The following SCAI variants were observed in gnomAD, a reference collection of about 807,000 sequenced individuals.
SCAI encodes the protein protein SCAI.
Under a neutral mutation model 92.2 loss-of-function variants are expected in SCAI, and 24 were observed. The observed-to-expected ratio is 0.26, with a 90% CI of 0.19 to 0.37. The LOEUF (loss-of-function observed/expected upper bound fraction) is 0.37. SCAI is among the 10% of genes least tolerant of loss of function. The pLI is 1.00. For synonymous variants in SCAI, 261 were observed against 258.6 expected, an observed-to-expected ratio of 1.01 and a Z score of -0.09; for missense variants, 450 against 736.2, an observed-to-expected ratio of 0.61 and a Z score of 4.50.
At chr9:125,115,169 G>A (rs1384807177) in intron 2 of SCAI, among the ~76,000 whole-genome samples, 42 of 151,792 alleles carry the variant, frequency 2.8e-4, no homozygotes, top group Non-Finnish European at 5.7e-4. Context: ...TCAGGAGATT[G>A]AGACCATCCT....
chr9:125,030,452 C>T (rs1427053951), intron 3 of SCAI, among the ~76,000 whole-genome samples: 4 of 152,194 alleles, frequency 2.6e-5, no homozygotes, highest in Non-Finnish European at 5.9e-5. Flanking sequence ...CCCAAAACCA[C>T]AGACAACTTG....
chr9:125,022,751 G>GTT (rs1832897109), intron 6 of SCAI, among the ~76,000 whole-genome samples: 1 of 152,026 alleles, frequency 6.6e-6, no homozygotes, highest in Admixed American at 6.6e-5. Flanking sequence ...ATATTATTGG[G>GTT]TTTTTCTAAG....
Position 125,015,381 on chromosome 9 carries a change from C to A in SCAI, c.861+3418G>T, listed in dbSNP as rs1187682187. 3.3e-5 allele frequency among the ~76,000 whole-genome samples: 5 copies of A among 152,226 alleles called. No individual in the cohort carries two copies. In the East Asian group the frequency reaches 9.6e-4, roughly 29 times the overall value. ...TCAAAAAGCGGGTGAAGGACATGAA[C>A]AGACACTTCTCAAAAGAAGACATTT... On this transcript the variant is annotated intron_variant, in intron 9 of 17. Transcript: ENST00000336505.
intron 3 of SCAI, among the ~76,000 whole-genome samples, chr9:125,042,593 A>AATGC (rs1288801552): frequency 1.5e-5 from 2 of 137,646 alleles, no homozygotes; most frequent in Non-Finnish European, 3.1e-5. Context: ...CCAGTCCCTA[A>AATGC]ATGCATGGCT....
intron 3 of SCAI, among the ~76,000 whole-genome samples, chr9:125,047,056 T>A (rs1833458033): frequency 6.6e-6 from 1 of 152,132 alleles, no homozygotes; most frequent in Admixed American, 6.5e-5. Flanking sequence ...AACATTTCAA[T>A]AAAACCAAGG....
At chr9:125,063,102 AC>A (rs112388687) in intron 2 of SCAI, among the ~76,000 whole-genome samples, 2 of 137,960 alleles carry the variant, frequency 1.4e-5, no homozygotes, top group African/African-American at 2.8e-5. Flanking sequence ...ATAACCCCCC[AC>A]CCCCCCCAGA....
At position 125,123,753 on chromosome 9, in the gene SCAI, C is replaced by T. The variant is rs188332126; in HGVS notation, c.98+18880G>A. On this transcript the variant is annotated intron_variant, in intron 2 of 17. Transcript: ENST00000336505. ...TCACGCCACTGCACTCCAGCCTGGG[C>T]GAGAGTGAGACTCCGTCTCAAAGAA... Among the ~76,000 whole-genome samples, 221 of 151,958 alleles carry T rather than the reference C, an allele frequency of 1.5e-3. 1 individual carries two copies. The highest frequency in any genetic ancestry group is 5.2e-3 in the African/African-American group (216 of 41,438).
intron 13 of SCAI, 109 bp downstream of exon 13, chr9:124,999,782 A>C: frequency 1.6e-6 from 1 of 630,130 alleles, no homozygotes. Context: ...ATCTTAGTCT[A>C]AGGGAATCAT....
intron 2 of SCAI, among the ~76,000 whole-genome samples, chr9:125,066,675 G>A (rs1319795889): frequency 2.6e-5 from 4 of 151,928 alleles, no homozygotes; most frequent in South Asian, 2.1e-4. Flanking sequence ...GGATGGTCTC[G>A]ATCTCCTGAC....
intron 17 of SCAI, chr9:124,968,213 C>A: frequency 1.2e-6 from 1 of 861,112 alleles, no homozygotes. Context: ...AAACGAAAAA[C>A]AAAAAAACAG....
intron 2 of SCAI, among the ~76,000 whole-genome samples, chr9:125,132,157 A>C (rs1040427668): frequency 6.1e-5 from 9 of 147,444 alleles, no homozygotes; most frequent in Non-Finnish European, 8.9e-5. Flanking sequence ...TCTGTCACCC[A>C]GGTTAGGGTG....
At chr9:124,961,635 GCAAGA>G (rs1831437093) in intron 17 of SCAI, among the ~76,000 whole-genome samples, 1 of 134,958 alleles carries the variant, frequency 7.4e-6, no homozygotes, top group African/African-American at 2.8e-5. Flanking sequence ...AGGCAACAGA[GCAAGA>G]CTCCATCTCA....
At chr9:125,041,888 T>C (rs933363826) in intron 3 of SCAI, among the ~76,000 whole-genome samples, 1 of 152,170 alleles carries the variant, frequency 6.6e-6, no homozygotes, top group Admixed American at 6.5e-5. Flanking sequence ...CCTATGATCA[T>C]CCTTTTTCTA....
In SCAI at chr9:125,091,559, G is replaced by T. The variant is rs1312955068; in HGVS notation, c.99-35552C>A. On this transcript the variant is annotated intron_variant, in intron 2 of 17. Transcript: ENST00000336505. This position sits in a 1 kb window ranked among gnomAD's most constrained non-coding sequence, Gnocchi z 4.3. ...AATATTTAGTTTTATTTATCACTCA[G>T]TTAAATCCAACATTCTACCTACTCC... Among the ~76,000 whole-genome samples the T allele has an allele frequency of 6.6e-6, 1 of 152,144 alleles. No individual in the cohort carries two copies. Among genetic ancestry groups the T allele is most frequent in the Non-Finnish European group, 1.5e-5 (1 of 68,028 alleles).
intron 17 of SCAI, among the ~76,000 whole-genome samples, chr9:124,967,333 A>C (rs559182334): frequency 2.1e-4 from 32 of 152,332 alleles, no homozygotes; most frequent in Non-Finnish European, 1.8e-4. Context: ...TGAATGCTGG[A>C]AATCAACCAT....
chr9:124,983,238 C>T (rs1564366029), intron 14 of SCAI, among the ~76,000 whole-genome samples: 1 of 151,390 alleles, frequency 6.6e-6, no homozygotes, highest in Non-Finnish European at 1.5e-5. Flanking sequence ...TCTTCTTCAA[C>T]AAATAACTCA....
At position 125,143,405 on chromosome 9, in the gene SCAI, C is replaced by T. The variant is rs1835718875; in HGVS notation, c.33G>A (p.Pro11=). Residue 11 remains proline (P), a synonymous_variant, in exon 1 of 18, where the codon CCG becomes CCA. Transcript: ENST00000336505. ...CGCACCTGGGGGCCAGGCGACTCCG[C>T]GGCTGCTGGGGCTGCCGGGCTCCTC... The part of the protein sequence containing the change: MVRGARQPQQ[P]RSRLAPRLTG... 8 of 1,395,888 alleles carry T rather than the reference C, an allele frequency of 5.7e-6. No individual in the cohort carries two copies. Among genetic ancestry groups the T allele is most frequent in the South Asian group, 1.5e-5 (1 of 65,166 alleles). 86.5% of individuals were successfully genotyped at this position (1,395,888 alleles called of 1,614,324 possible). A position where few individuals can be genotyped will look rare whatever the true frequency, so the allele number is the denominator to read the frequency against.
rs1403436808 is a variant in SCAI at position 125,004,673 on chromosome 9, C to T, written c.862-1103G>A. On this transcript the variant is annotated intron_variant, in intron 9 of 17. Transcript: ENST00000336505. Reference sequence around the variant, plus strand: ...CACAGAAGTTTGATAGTAATCCTTGCTACATGAGAAAAAAGAGCTAACTTT... The same window carrying T: ...CACAGAAGTTTGATAGTAATCCTTGTTACATGAGAAAAAAGAGCTAACTTT... 4.5e-5 allele frequency among the ~76,000 whole-genome samples: 6 copies of T among 133,336 alleles called. No homozygotes were observed. The Admixed American group carries it at 4.8e-4, about 11-fold the overall frequency. The allele number at this position is 133,336 out of a possible 152,430, so 87.5% of individuals were successfully genotyped here.
intron 2 of SCAI, among the ~76,000 whole-genome samples, chr9:125,118,676 G>A (rs148682990): frequency 6.6e-6 from 1 of 152,226 alleles, no homozygotes; most frequent in East Asian, 1.9e-4. Flanking sequence ...TTAGCTATTT[G>A]TGTCCTGATG....
Sources: gnomAD v4.1 joint callset for allele counts (sites outside exome capture counted in the v4.1 genomes callset) on GRCh38, gnomAD v4.1.1 for gene constraint, Gnocchi (gnomAD v3.1) non-coding constraint, MANE v1.5 for transcripts, NCBI Gene and HGNC (gene_info 2026-07-23, HGNC 2026-07-21) for gene names.